Variants in SATB2 observed in about 807,000 individuals in gnomAD.
The protein encoded by SATB2 is DNA-binding protein SATB2.
Under a neutral mutation model 73.4 loss-of-function variants are expected in SATB2, and 1 was observed. That is an observed-to-expected ratio of 0.01 (90% CI 0.00 to 0.06). The LOEUF (loss-of-function observed/expected upper bound fraction) is 0.06. SATB2 is among the 10% of genes least tolerant of loss of function. SATB2 has a pLI of 1.00. For missense variants in SATB2, 459 were observed against 945.8 expected (o/e 0.49, Z 6.75); for synonymous variants, 397 against 367.0 (o/e 1.08, Z -0.93).
chr2:199,388,829 A>C (rs995228567), intron 3 of SATB2, among the ~76,000 whole-genome samples: 4 of 152,174 alleles, frequency 2.6e-5, no homozygotes, highest in African/African-American at 7.2e-5. Flanking sequence ...TTATTTCCAC[A>C]ATACCAACTG....
chr2:199,358,868 C>CCT (rs1316936984), intron 6 of SATB2, among the ~76,000 whole-genome samples: 2 of 152,158 alleles, frequency 1.3e-5, no homozygotes, highest in African/African-American at 4.8e-5. Context: ...TAGTCTCCAC[C>CCT]CTCTGTACCA....
At chr2:199,304,371 C>G (rs961958235) in intron 10 of SATB2, among the ~76,000 whole-genome samples, 1 of 152,056 alleles carries the variant, frequency 6.6e-6, no homozygotes, top group Admixed American at 6.6e-5. Flanking sequence ...TCATGAAATG[C>G]TTTGGTTTGG....
At chr2:199,273,386 C>T (rs1165025949) in intron 10 of SATB2, among the ~76,000 whole-genome samples, 6 of 152,118 alleles carry the variant, frequency 3.9e-5, no homozygotes, top group African/African-American at 1.2e-4. Context: ...TCATAGTTTG[C>T]CTCATCTCTG....
intron 10 of SATB2, among the ~76,000 whole-genome samples, chr2:199,273,183 TA>T (rs1362766513): frequency 6.6e-6 from 1 of 152,206 alleles, no homozygotes; most frequent in Non-Finnish European, 1.5e-5. Flanking sequence ...TTGTAAGGAT[TA>T]AATGACATAA....
upstream of SATB2, chr2:199,460,617 A>C (rs1345159806): frequency 6.6e-6 from 1 of 152,356 alleles, no homozygotes; most frequent in Non-Finnish European, 1.5e-5. The surrounding 1 kb of genome is among the most constrained non-coding windows in gnomAD (Gnocchi z 4.0). Context: ...GAATGGTTGG[A>C]GCGATTCAAT....
At chr2:199,359,638 A>G (rs1378982492) in intron 6 of SATB2, among the ~76,000 whole-genome samples, 1 of 152,190 alleles carries the variant, frequency 6.6e-6, no homozygotes, top group African/African-American at 2.4e-5. Flanking sequence ...ATATTTACTA[A>G]GTATTCACTG....
chr2:199,423,558 C>A (rs750972296), intron 3 of SATB2: 12 of 151,926 alleles, frequency 7.9e-5, no homozygotes, highest in Non-Finnish European at 1.5e-4. Context: ...TTTTTTCATG[C>A]ACTTCTGATA....
chr2:199,412,293 G>A (rs1460147228), intron 3 of SATB2, among the ~76,000 whole-genome samples: 1 of 152,194 alleles, frequency 6.6e-6, no homozygotes, highest in Non-Finnish European at 1.5e-5. Flanking sequence ...GGTTTTGTCT[G>A]CAGTAGTCCT....
At chr2:199,406,885 G>T (rs1690645116) in intron 3 of SATB2, among the ~76,000 whole-genome samples, 1 of 152,136 alleles carries the variant, frequency 6.6e-6, no homozygotes, top group Non-Finnish European at 1.5e-5. Context: ...AAAGAAGATA[G>T]GTGGGCATCA....
rs1307051264 is a variant in SATB2 at position 199,276,787 on chromosome 2, CA to C, written c.1741-4116del. ...TTTCAAAATGGGCCCAGTGGAGGGG[CA>C]AAAAAAAATCCCCATTGATAGTACC... On this transcript the variant is annotated intron_variant, in intron 10 of 10. Coordinates refer to ENST00000417098, the MANE Select transcript of SATB2 (RefSeq NM_001172509.2). Among the ~76,000 whole-genome samples, 54 of 150,116 alleles carry C rather than the reference CA, an allele frequency of 3.6e-4. No individual in the cohort carries two copies. The East Asian group carries it at 9.4e-3, about 26-fold the overall frequency.
At position 199,399,234 on chromosome 2, in the gene SATB2, T is replaced by C. The variant is rs546836442; in HGVS notation, c.347-17414A>G. 1.2e-3 allele frequency among the ~76,000 whole-genome samples: 181 copies of C among 152,360 alleles called. 3 individuals carry two copies. The highest frequency in any genetic ancestry group is 4.1e-3 in the African/African-American group (171 of 41,588). The stretch of plus-strand genomic sequence containing the variant: ...TTGCAGTGGGCCAAGATCCTGCCAC[T>C]GCACTCCAGCCTGGGTGACAGAGCC... On this transcript the variant is annotated intron_variant, in intron 3 of 10. Coordinates refer to ENST00000417098, the MANE Select transcript of SATB2 (RefSeq NM_001172509.2).
intron 5 of SATB2, among the ~76,000 whole-genome samples, chr2:199,379,426 G>C (rs1689698809): frequency 6.6e-6 from 1 of 152,150 alleles, no homozygotes; most frequent in Non-Finnish European, 1.5e-5. Context: ...ATCATGCATA[G>C]ATGGATTTAG....
Position 199,308,691 on chromosome 2 carries a change from G to T in SATB2, c.1740+69C>A. 1.5e-6 allele frequency: 2 copies of T among 1,365,372 alleles called. No individual in the cohort carries two copies. The highest frequency in any genetic ancestry group is 2.1e-6 in the Non-Finnish European group (2 of 960,504). 84.6% of individuals were successfully genotyped at this position (1,365,372 alleles called of 1,614,324 possible). ...AAGTTGGTGTGGTGTGTGCCACTTG[G>T]ACCCTCAGCAGCTACTGCTGGCACA... On this transcript the variant is annotated intron_variant, in intron 10 of 10. Coordinates refer to ENST00000417098, the MANE Select transcript of SATB2 (RefSeq NM_001172509.2). This position sits in a 1 kb window ranked among gnomAD's most constrained non-coding sequence, Gnocchi z 4.6.
chr2:199,302,008 G>A (rs895614180), intron 10 of SATB2, among the ~76,000 whole-genome samples: 2 of 152,136 alleles, frequency 1.3e-5, no homozygotes, highest in Non-Finnish European at 2.9e-5. Context: ...TGAAGTTCTA[G>A]CATCCTCAAT....
At chr2:199,306,074 A>T (rs947058788) in intron 10 of SATB2, among the ~76,000 whole-genome samples, 3 of 152,138 alleles carry the variant, frequency 2.0e-5, no homozygotes, top group Non-Finnish European at 4.4e-5. Context: ...TCTTGCTAAA[A>T]ATTTAGTTGA....
chr2:199,288,487 T>G (rs1185361453), intron 10 of SATB2, among the ~76,000 whole-genome samples: 1 of 152,224 alleles, frequency 6.6e-6, no homozygotes, highest in African/African-American at 2.4e-5. Flanking sequence ...AAGCCTCACA[T>G]GAGGCTATTT....
chr2:199,301,659 T>G (rs940149702), intron 10 of SATB2, among the ~76,000 whole-genome samples: 20 of 152,134 alleles, frequency 1.3e-4, no homozygotes, highest in African/African-American at 4.8e-4. Flanking sequence ...ATATGGAGTA[T>G]GCAAGAGAAA....
intron 6 of SATB2, among the ~76,000 whole-genome samples, chr2:199,368,212 G>A (rs963471305): frequency 1.3e-5 from 2 of 152,028 alleles, no homozygotes; most frequent in Admixed American, 1.3e-4. Flanking sequence ...CTCTGGAATC[G>A]TCGACACAGG....
intron 3 of SATB2, among the ~76,000 whole-genome samples, chr2:199,428,809 A>G (rs1415669069): frequency 1.3e-5 from 2 of 152,184 alleles, no homozygotes; most frequent in African/African-American, 4.8e-5. Flanking sequence ...AAGCAGGAGA[A>G]TCACCTGAGG....
Sources: gnomAD v4.1 joint callset for allele counts (sites outside exome capture counted in the v4.1 genomes callset) on GRCh38, gnomAD v4.1.1 for gene constraint, Gnocchi (gnomAD v3.1) non-coding constraint, MANE v1.5 for transcripts, NCBI Gene and HGNC (gene_info 2026-07-23, HGNC 2026-07-21) for gene names.